MICAL3: variants seen among roughly 807,000 people sequenced by gnomAD.
MICAL3 encodes microtubule associated monooxygenase, calponin and LIM domain containing 3.
MICAL3 carries 62 observed loss-of-function variants against 207.4 expected under a neutral mutation model. The observed-to-expected ratio is 0.30, with a 90% confidence interval of 0.24 to 0.37. MICAL3 has a LOEUF of 0.37. Among genes scored for constraint, MICAL3 ranks in the 10% least tolerant of loss-of-function variants. MICAL3 has a pLI of 1.00. For synonymous variants in MICAL3, 1,077 were observed against 1,069.3 expected, an observed-to-expected ratio of 1.01 and a Z score of -0.14; for missense variants, 2,368 against 2,635.6, an observed-to-expected ratio of 0.90 and a Z score of 2.22.
chr22:17,872,249 C>T (rs369434577), intron 16 of MICAL3, among the ~76,000 whole-genome samples: 2 of 152,232 alleles, frequency 1.3e-5, no homozygotes, highest in Admixed American at 1.3e-4. Context: ...TTGGCACAAC[C>T]GCGAAAGCCT....
chr22:17,841,799 G>T lies in MICAL3; in HGVS notation c.2801+23C>A. On this transcript the variant is annotated intron_variant, in intron 20 of 31. Coordinates refer to ENST00000441493, the MANE Select transcript of MICAL3 (RefSeq NM_015241.3). This position sits in a 1 kb window ranked among gnomAD's most constrained non-coding sequence, Gnocchi z 4.2. ...TCTTAGGGCCGTGTGGCGGGTGGGC[G>T]CCCTGCAGCCCTGCGTGCTGACCTG... 6.5e-7 allele frequency: 1 copy of T among 1,539,210 alleles called. No individual in the cohort carries two copies. Among genetic ancestry groups the T allele is most frequent in the East Asian group, 2.4e-5 (1 of 40,822 alleles).
At chr22:18,023,838 G>GT (rs1382481841) in intron 1 of MICAL3, among the ~76,000 whole-genome samples, 1 of 152,274 alleles carries the variant, frequency 6.6e-6, no homozygotes, top group Non-Finnish European at 1.5e-5. Flanking sequence ...ATGAGCTCAT[G>GT]GGTTCACCGC....
chr22:17,819,798 G>A (rs1001300128), intron 25 of MICAL3, among the ~76,000 whole-genome samples: 1 of 151,614 alleles, frequency 6.6e-6, no homozygotes, highest in Middle Eastern at 3.2e-3. Context: ...ACAAAATTAG[G>A]CAGGTGTGGT....
At chr22:17,795,164 T>C (rs777970479) in intron 29 of MICAL3, among the ~76,000 whole-genome samples, 1 of 152,350 alleles carries the variant, frequency 6.6e-6, no homozygotes, top group Non-Finnish European at 1.5e-5. Flanking sequence ...AAATGCTGAG[T>C]GTACCCAATG....
At chr22:17,843,120 C>CAAA (rs71966425) in intron 19 of MICAL3, among the ~76,000 whole-genome samples, 699 of 62,872 alleles carry the variant, frequency 0.011, 55 homozygotes, top group African/African-American at 0.041. Flanking sequence ...GACTTCATCT[C>CAAA]AAAAAAAAAA....
chr22:18,012,999 G>C (rs148062329), intron 1 of MICAL3, among the ~76,000 whole-genome samples: 47 of 152,246 alleles, frequency 3.1e-4, no homozygotes, highest in Non-Finnish European at 5.4e-4. Context: ...GGTGGGCATG[G>C]GGATGGAGGC....
chr22:17,827,934 T>TACACACGC (rs1922373287), intron 21 of MICAL3, among the ~76,000 whole-genome samples, 153 bp from the exon 22 acceptor site: 1 of 150,810 alleles, frequency 6.6e-6, no homozygotes, highest in Admixed American at 6.6e-5. Flanking sequence ...TGCACATGTA[T>TACACACGC]ACACACACAC....
intron 1 of MICAL3, among the ~76,000 whole-genome samples, chr22:17,996,463 C>A (rs906753568): frequency 1.3e-5 from 2 of 148,148 alleles, no homozygotes; most frequent in South Asian, 4.2e-4. Flanking sequence ...AAAAAAAATG[C>A]AATCAACTGC....
At position 17,834,639 on chromosome 22, in the gene MICAL3, C is replaced by T. The variant is rs947042027; in HGVS notation, c.2802-2532G>A. On this transcript the variant is annotated intron_variant, in intron 20 of 31. Transcript: ENST00000441493. ...AAGGTGTACGCACATCATGCTAAAG[C>T]GCAGCAGAACACAAGCACGGTGGGC... 1.9e-5 allele frequency: 20 copies of T among 1,031,194 alleles called. No individual in the cohort carries two copies. In the South Asian group the frequency reaches 5.0e-4, roughly 26 times the overall value. 63.9% of individuals were successfully genotyped at this position (1,031,194 alleles called of 1,614,324 possible). A position where few individuals can be genotyped will look rare whatever the true frequency, so the allele number is the denominator to read the frequency against.
chr22:17,978,571 T>C (rs192997009), intron 1 of MICAL3, among the ~76,000 whole-genome samples: 585 of 151,988 alleles, frequency 3.8e-3, no homozygotes, highest in Admixed American at 5.6e-3. Context: ...TGAAGTGCAG[T>C]GGCACAATCT....
At chr22:17,977,744 C>T (rs2146428124) in intron 1 of MICAL3, among the ~76,000 whole-genome samples, 1 of 152,258 alleles carries the variant, frequency 6.6e-6, no homozygotes, top group African/African-American at 2.4e-5. Flanking sequence ...ATACACCTGG[C>T]CAGGCACAGT....
chr22:17,907,988 G>T (rs1410569514), intron 1 of MICAL3, among the ~76,000 whole-genome samples: 1 of 152,196 alleles, frequency 6.6e-6, no homozygotes, highest in Non-Finnish European at 1.5e-5. Flanking sequence ...CTGGACAGAG[G>T]CTGGGAGGTG....
At chr22:17,887,743 C>G (rs1448693475) in intron 13 of MICAL3, among the ~76,000 whole-genome samples, 2 of 152,332 alleles carry the variant, frequency 1.3e-5, no homozygotes, top group East Asian at 3.9e-4. Flanking sequence ...TTGTTAGTTA[C>G]AGCAGAGTGC....
intron 1 of MICAL3, among the ~76,000 whole-genome samples, chr22:17,927,720 G>C (rs747095634): frequency 1.1e-4 from 16 of 152,080 alleles, no homozygotes; most frequent in African/African-American, 3.9e-4. Flanking sequence ...TGTCCTCTGA[G>C]CTGCTTCAGT....
rs2061803180 is a variant in MICAL3, at chr22:17,788,532, C to T, written c.*2200G>A. ...GGTTTTGTGGCATTCGAGGAGAGGT[C>T]TGGGAAAGGCCACGCAGGCAGTGAA... is the stretch of plus-strand genomic sequence containing the variant. On this transcript the variant is annotated 3_prime_UTR_variant, in exon 32 of 32. Coordinates refer to ENST00000441493, the MANE Select transcript of MICAL3 (RefSeq NM_015241.3). The T allele has an allele frequency of 6.6e-6, 1 of 152,266 alleles. No individual in the cohort carries two copies. The highest frequency in any genetic ancestry group is 2.4e-5 in the African/African-American group (1 of 41,466). The allele number at this position is 152,266 out of a possible 1,614,324, so 9.4% of individuals were successfully genotyped here.
At chr22:17,940,840 T>G (rs907244668) in intron 1 of MICAL3, among the ~76,000 whole-genome samples, 1 of 152,088 alleles carries the variant, frequency 6.6e-6, no homozygotes, top group Non-Finnish European at 1.5e-5. Flanking sequence ...CAGCATCAAA[T>G]AGCTCAAGAG....
chr22:17,963,007 C>T (rs1934981354), intron 1 of MICAL3, among the ~76,000 whole-genome samples: 1 of 152,174 alleles, frequency 6.6e-6, no homozygotes, highest in African/African-American at 2.4e-5. Flanking sequence ...CTGCCTCAGC[C>T]TCCCAAAGTG....
At chr22:17,965,004 A>C (rs1343744231) in intron 1 of MICAL3, among the ~76,000 whole-genome samples, 1 of 152,166 alleles carries the variant, frequency 6.6e-6, no homozygotes, top group Non-Finnish European at 1.5e-5. Flanking sequence ...GGCACAGAGC[A>C]GGTGCGGGCC....
rs994011579 is a variant in MICAL3, at chr22:17,834,244, G to A, written c.2802-2137C>T. 1.3e-5 allele frequency: 14 copies of A among 1,089,310 alleles called. No individual in the cohort carries two copies. The East Asian group carries it at 3.1e-4, about 24-fold the overall frequency. The allele number at this position is 1,089,310 out of a possible 1,614,324, so 67.5% of individuals were successfully genotyped here. On this transcript the variant is annotated intron_variant, in intron 20 of 31. Coordinates refer to ENST00000441493, the MANE Select transcript of MICAL3 (RefSeq NM_015241.3). Reference sequence around the variant, plus strand: ...CAATGACACATTCATTCATTCACTCGGTGAACATTTCTGAGCACCTACAGC... The same window carrying A: ...CAATGACACATTCATTCATTCACTCAGTGAACATTTCTGAGCACCTACAGC...
Sources: gnomAD v4.1 joint callset for allele counts (sites outside exome capture counted in the v4.1 genomes callset) on GRCh38, gnomAD v4.1.1 for gene constraint, Gnocchi (gnomAD v3.1) non-coding constraint, MANE v1.5 for transcripts, NCBI Gene and HGNC (gene_info 2026-07-23, HGNC 2026-07-21) for gene names.